Variants in CNOT10 observed in about 807,000 individuals in gnomAD.
CNOT10 encodes CCR4-NOT transcription complex subunit 10, also known as CCR4-NOT transcription complex, subunit 10.
In CNOT10, 30 loss-of-function variants were observed where a neutral mutation model predicts 94.6. That is an observed-to-expected ratio of 0.32 (90% CI 0.24 to 0.43). The LOEUF (loss-of-function observed/expected upper bound fraction) is 0.43, where lower values mean the gene tolerates loss of function less well. Ranked by LOEUF, CNOT10 falls within the 20% of genes least tolerant of loss-of-function variation. The pLI is 1.00. For synonymous variants in CNOT10, 289 were observed against 301.6 expected, an observed-to-expected ratio of 0.96 and a Z score of 0.43; for missense variants, 759 against 877.2, an observed-to-expected ratio of 0.87 and a Z score of 1.70.
chr3:32,718,280 T>TA lies in CNOT10; in HGVS notation c.744+1045dup, dbSNP rs1298241411. ...AAACTTTTTTTTTTTTTTTTTTTTT[T>TA]AATGATAAAAGACATAATTCCTAGC... On this transcript the variant is annotated intron_variant, in intron 7 of 18. Coordinates refer to ENST00000328834, the MANE Select transcript of CNOT10 (RefSeq NM_015442.3). Among the ~76,000 whole-genome samples, 676 of 147,366 alleles carry TA rather than the reference T, an allele frequency of 4.6e-3. 2 individuals are homozygous for TA. The highest frequency in any genetic ancestry group is 8.2e-3 in the Non-Finnish European group (546 of 66,710).
intron 13 of CNOT10, among the ~76,000 whole-genome samples, chr3:32,751,235 G>A (rs1699952749): frequency 1.3e-5 from 2 of 152,178 alleles, no homozygotes; most frequent in South Asian, 2.1e-4. Context: ...CAAGTAGCTG[G>A]GACTACAGAT....
chr3:32,755,836 A>C (rs916782910), intron 13 of CNOT10, among the ~76,000 whole-genome samples: 3 of 148,070 alleles, frequency 2.0e-5, no homozygotes, highest in African/African-American at 7.5e-5. Flanking sequence ...TTCCTTCAGC[A>C]TGTGAAGGGG....
chr3:32,697,186 G>A (rs753517890), intron 1 of CNOT10, among the ~76,000 whole-genome samples: 1 of 152,002 alleles, frequency 6.6e-6, no homozygotes, highest in Non-Finnish European at 1.5e-5. Context: ...CTGACCTCAG[G>A]TGATCTGCCC....
chr3:32,685,576 C>G (rs1696560647), intron 1 of CNOT10, 94 bp downstream of exon 1: 3 of 1,383,858 alleles, frequency 2.2e-6, no homozygotes, highest in South Asian at 1.2e-5. Flanking sequence ...GGTGGGGACT[C>G]CAGGGCGACT....
In CNOT10 at chr3:32,773,733, CCT is replaced by C. The variant is rs1231653442; in HGVS notation, c.*123_*124del. Reference sequence around the variant, plus strand: ...CTGTTAATTTTGAGTCAATTCTACCCCTGACATTTGGCCAAAAGCTTACTTAA... The same window carrying C: ...CTGTTAATTTTGAGTCAATTCTACCCGACATTTGGCCAAAAGCTTACTTAA... On this transcript the variant is annotated 3_prime_UTR_variant, in exon 19 of 19. Transcript: ENST00000328834. 1.1e-5 allele frequency: 12 copies of C among 1,063,824 alleles called. No individual in the cohort carries two copies. The highest frequency in any genetic ancestry group is 2.2e-4 in the Middle Eastern group (1 of 4,552). 65.9% of individuals were successfully genotyped at this position (1,063,824 alleles called of 1,614,324 possible). A position where few individuals can be genotyped will look rare whatever the true frequency, so the allele number is the denominator to read the frequency against.
At chr3:32,734,059 T>A (rs1242372909) in intron 11 of CNOT10, among the ~76,000 whole-genome samples, 2 of 152,208 alleles carry the variant, frequency 1.3e-5, no homozygotes, top group Non-Finnish European at 2.9e-5. Flanking sequence ...TGCAAATAAT[T>A]AGCTGCCTTA....
At chr3:32,692,786 C>T (rs1696903782) in intron 1 of CNOT10, among the ~76,000 whole-genome samples, 1 of 152,050 alleles carries the variant, frequency 6.6e-6, no homozygotes, top group East Asian at 1.9e-4. Context: ...TGACTCATGC[C>T]TGTAATCCCA....
At chr3:32,755,319 CTTTTTTT>C (rs777391696) in intron 13 of CNOT10, among the ~76,000 whole-genome samples, 1 of 131,192 alleles carries the variant, frequency 7.6e-6, no homozygotes, top group African/African-American at 2.8e-5. Flanking sequence ...TTTTCTTTTT[CTTTTTTT>C]TTTTTTTTTG....
At chr3:32,764,571 T>C (rs1038796085) in intron 16 of CNOT10, 81 bp downstream of exon 16, 1 of 1,604,942 alleles carries the variant, frequency 6.2e-7, no homozygotes. Context: ...GTGTTCGTTT[T>C]TCTGCCTGAG....
intron 18 of CNOT10, among the ~76,000 whole-genome samples, chr3:32,771,456 C>A (rs968786750): frequency 6.6e-6 from 1 of 152,038 alleles, no homozygotes; most frequent in Non-Finnish European, 1.5e-5. Context: ...CAAAAATTAG[C>A]CAGGCGTGGT....
At chr3:32,747,312 G>A (rs1699743111) in intron 13 of CNOT10, among the ~76,000 whole-genome samples, 1 of 151,918 alleles carries the variant, frequency 6.6e-6, no homozygotes, top group African/African-American at 2.4e-5. Flanking sequence ...CAGCTATTAG[G>A]AGGCTGAAGC....
At chr3:32,720,387 T>C (rs1479705905) in intron 8 of CNOT10, among the ~76,000 whole-genome samples, 156 bp downstream of exon 8, 1 of 152,192 alleles carries the variant, frequency 6.6e-6, no homozygotes, top group African/African-American at 2.4e-5. Flanking sequence ...CCAGGAATTC[T>C]TGTTTCTACT....
chr3:32,771,574 T>C (rs1376804174), intron 18 of CNOT10, among the ~76,000 whole-genome samples: 1 of 152,090 alleles, frequency 6.6e-6, no homozygotes, highest in Non-Finnish European at 1.5e-5. Flanking sequence ...CACTCCAATC[T>C]GGGCGACAGA....
At chr3:32,738,222 G>A (rs561477640) in intron 13 of CNOT10, among the ~76,000 whole-genome samples, 1 of 152,088 alleles carries the variant, frequency 6.6e-6, no homozygotes, top group African/African-American at 2.4e-5. Context: ...ATAACTATTG[G>A]GTACTAGGCT....
rs1245138827 is a variant in CNOT10, at chr3:32,746,590, A to G, written c.1595+9100A>G. 5.3e-5 allele frequency among the ~76,000 whole-genome samples: 8 copies of G among 152,110 alleles called. No individual in the cohort carries two copies. The East Asian group carries it at 1.6e-3, about 30-fold the overall frequency. On this transcript the variant is annotated intron_variant, in intron 13 of 18. Coordinates refer to ENST00000328834, the MANE Select transcript of CNOT10 (RefSeq NM_015442.3). ...AGTGGCTCTCGCCTGTAATCCCAGC[A>G]CTTTGGGAGGCCGAGGTGGGCAGAT...
At chr3:32,760,443 C>T (rs1460136479) in intron 14 of CNOT10, among the ~76,000 whole-genome samples, 1 of 151,854 alleles carries the variant, frequency 6.6e-6, no homozygotes, top group Non-Finnish European at 1.5e-5. Context: ...ACCAGCCCAG[C>T]CAACGTGGTA....
intron 6 of CNOT10, among the ~76,000 whole-genome samples, 162 bp from the exon 7 acceptor site, chr3:32,716,992 G>A (rs1160777541): frequency 2.0e-5 from 3 of 152,120 alleles, no homozygotes; most frequent in Non-Finnish European, 2.9e-5. Context: ...AAGTATATTC[G>A]AAGAGTACAG....
At chr3:32,708,209 A>G (rs1375426755) in intron 3 of CNOT10, among the ~76,000 whole-genome samples, 2 of 152,152 alleles carry the variant, frequency 1.3e-5, no homozygotes, top group East Asian at 3.9e-4. Flanking sequence ...GCTATTATTA[A>G]TGTTTAAATT....
chr3:32,739,160 C>T (rs924199639), intron 13 of CNOT10, among the ~76,000 whole-genome samples: 2 of 152,182 alleles, frequency 1.3e-5, no homozygotes, highest in Middle Eastern at 3.2e-3. Context: ...CCCGCCTCAG[C>T]CTCCCAAAGT....
Sources: allele counts gnomAD v4.1 joint callset (sites outside exome capture counted in the v4.1 genomes callset), GRCh38; gene constraint gnomAD v4.1.1; transcripts MANE v1.5; gene names NCBI Gene and HGNC (gene_info 2026-07-23, HGNC 2026-07-21).